Variants in ACSBG2 observed in about 807,000 individuals in gnomAD.
The protein encoded by ACSBG2 is long-chain-fatty-acid--CoA ligase ACSBG2.
A neutral mutation model predicts 74.7 loss-of-function variants in ACSBG2; 62 were observed. The observed-to-expected ratio is 0.83, with a 90% confidence interval of 0.68 to 1.03. The LOEUF is 1.03. ACSBG2 is among the 50% of genes least tolerant of loss of function. ACSBG2 has a pLI of 0.00. For synonymous variants in ACSBG2, 309 were observed against 294.1 expected, an observed-to-expected ratio of 1.05 and a Z score of -0.52; for missense variants, 730 against 817.6, an observed-to-expected ratio of 0.89 and a Z score of 1.31.
In ACSBG2 at chr19:6,147,241, A is replaced by T. The variant is rs570544393; in HGVS notation, c.68-205A>T. Among the ~76,000 whole-genome samples, 40 of 152,322 alleles carry T rather than the reference A, an allele frequency of 2.6e-4. No homozygotes were observed. The South Asian group carries it at 2.7e-3, about 10-fold the overall frequency. On this transcript the variant is annotated intron_variant, in intron 2 of 14. Coordinates refer to ENST00000588485, the MANE Select transcript of ACSBG2 (RefSeq NM_030924.5). ...TATTTGGTATACAATCCTTTTGACTATTAAAATTTGGCGGGGCGGGGAATG... is the reference window on the plus strand; with the variant it reads ...TATTTGGTATACAATCCTTTTGACTTTTAAAATTTGGCGGGGCGGGGAATG...
intron 10 of ACSBG2, among the ~76,000 whole-genome samples, chr19:6,184,465 T>C (rs558631513): frequency 1.3e-5 from 2 of 152,178 alleles, no homozygotes; most frequent in South Asian, 2.1e-4. Flanking sequence ...TCTGTCTTCA[T>C]TTTTTCTTTT....
At chr19:6,186,841 A>C (rs2090420474) in intron 11 of ACSBG2, among the ~76,000 whole-genome samples, 1 of 151,998 alleles carries the variant, frequency 6.6e-6, no homozygotes, top group African/African-American at 2.4e-5. Context: ...AGTAACTAGG[A>C]CTACAGGCGT....
At chr19:6,140,400 C>A (rs2088776907) in intron 1 of ACSBG2, among the ~76,000 whole-genome samples, 1 of 152,130 alleles carries the variant, frequency 6.6e-6, no homozygotes, top group Non-Finnish European at 1.5e-5. Flanking sequence ...GTGATCTCGG[C>A]CAGGCGCAAT....
At chr19:6,165,603 G>A (rs2089768166) in intron 6 of ACSBG2, among the ~76,000 whole-genome samples, 1 of 152,202 alleles carries the variant, frequency 6.6e-6, no homozygotes, top group South Asian at 2.1e-4. Context: ...AACCCAAGGA[G>A]TTGCGTCCTG....
At position 6,190,810 on chromosome 19, in the gene ACSBG2, CAT is replaced by C. The variant is rs763983787; in HGVS notation, c.*35+120_*35+121del. On this transcript the variant is annotated intron_variant, in intron 14 of 14. Transcript: ENST00000588485. ...CAGAAAACACACACATACACACATACATACACACACACACACACACACACACA... is the reference window on the plus strand; with the variant it reads ...CAGAAAACACACACATACACACATACACACACACACACACACACACACACA... 3.0e-4 allele frequency: 154 copies of C among 514,248 alleles called. 1 individual carries two copies. The highest frequency in any genetic ancestry group is 2.1e-3 in the African/African-American group (83 of 39,150). The allele number at this position is 514,248 out of a possible 1,614,324, so 31.9% of individuals were successfully genotyped here. A position where few individuals can be genotyped will look rare whatever the true frequency, so the allele number is the denominator to read the frequency against.
chr19:6,150,340 CAA>C (rs780596761), intron 3 of ACSBG2, among the ~76,000 whole-genome samples: 8 of 68,362 alleles, frequency 1.2e-4, no homozygotes, highest in Non-Finnish European at 9.5e-5. Flanking sequence ...GGATATTTAA[CAA>C]AAAAAAAAAA....
intron 7 of ACSBG2, 119 bp downstream of exon 7, chr19:6,166,134 G>A (rs2089792227): frequency 7.8e-7 from 1 of 1,289,284 alleles, no homozygotes; most frequent in Non-Finnish European, 1.1e-6. Context: ...CACCATTGGG[G>A]GTTAGAGAGT....
intron 7 of ACSBG2, among the ~76,000 whole-genome samples, chr19:6,176,933 G>T (rs1010012553): frequency 6.6e-6 from 1 of 152,134 alleles, no homozygotes; most frequent in African/African-American, 2.4e-5. Context: ...GAGGCGGGAG[G>T]TCGCTGGAGG....
chr19:6,143,230 G>A (rs953410703), intron 2 of ACSBG2, among the ~76,000 whole-genome samples: 1 of 151,052 alleles, frequency 6.6e-6, no homozygotes, highest in Non-Finnish European at 1.5e-5. Context: ...TTTTAACAAA[G>A]CGCCCCAAAG....
chr19:6,139,868 C>T (rs942726978), intron 1 of ACSBG2, among the ~76,000 whole-genome samples: 2 of 151,730 alleles, frequency 1.3e-5, no homozygotes, highest in African/African-American at 2.4e-5. Flanking sequence ...CACCTGAGGT[C>T]GGGAGTCTGA....
chr19:6,177,288 G>C lies in ACSBG2; in HGVS notation c.798G>C (p.Thr266=), dbSNP rs369713714. Residue 266 remains threonine (T), a synonymous_variant, in exon 8 of 15, where the codon ACG becomes ACC. Coordinates refer to ENST00000588485, the MANE Select transcript of ACSBG2 (RefSeq NM_030924.5). ...KDFKLTDKHE[T]VVSYLPLSHI... ...TTAAACTGACAGACAAGCATGAGAC[G>C]GTGGTTAGCTACCTCCCACTCAGCC... 4 of 1,614,010 alleles carry C rather than the reference G, an allele frequency of 2.5e-6. No individual in the cohort carries two copies. The South Asian group carries it at 4.4e-5, about 18-fold the overall frequency.
intron 1 of ACSBG2, among the ~76,000 whole-genome samples, chr19:6,136,296 A>G (rs1399436169): frequency 6.6e-6 from 1 of 151,802 alleles, no homozygotes; most frequent in South Asian, 2.1e-4. Context: ...GTTTCACCAC[A>G]TTAGCCAGGA....
chr19:6,178,613 C>T (rs866187838), intron 8 of ACSBG2, among the ~76,000 whole-genome samples: 58 of 152,250 alleles, frequency 3.8e-4, no homozygotes, highest in African/African-American at 1.2e-3. Context: ...AACTCCTGAC[C>T]TCAGGTGAGC....
chr19:6,159,453 T>C (rs982042105), intron 5 of ACSBG2, among the ~76,000 whole-genome samples: 3 of 152,234 alleles, frequency 2.0e-5, no homozygotes, highest in South Asian at 4.1e-4. Flanking sequence ...TACACCCACC[T>C]GGCTGCTGTG....
chr19:6,184,846 AAAAAAAAAAAAAAAAAAAAAAAAAAACG>A (rs1181162948), intron 10 of ACSBG2, among the ~76,000 whole-genome samples: 1 of 123,808 alleles, frequency 8.1e-6, no homozygotes, highest in Non-Finnish European at 1.6e-5. Context: ...AAAAAAAAAA[AAAAAAAAAAAAAAAAAAAAAAAAAAACG>A]AAAAACAGCC....
intron 10 of ACSBG2, among the ~76,000 whole-genome samples, chr19:6,183,503 G>A (rs535214045): frequency 7.9e-5 from 12 of 152,280 alleles, no homozygotes; most frequent in South Asian, 4.1e-4. Flanking sequence ...TGGTCTCCCC[G>A]TTTGTCACTT....
At chr19:6,138,507 G>A (rs866787748) in intron 1 of ACSBG2, among the ~76,000 whole-genome samples, 72 of 131,854 alleles carry the variant, frequency 5.5e-4, no homozygotes, top group African/African-American at 2.0e-3. Context: ...GAGGGAGGGA[G>A]GGAAAGAGGA....
In ACSBG2 at chr19:6,161,246, C is replaced by A; in HGVS notation, c.539C>A (p.Ala180Glu). ...CAGAGCAGCCTAGAGCCCCTAAAAG[C>A]GATCATCCAGTACAGACTGCCAATG... ...IPQSSLEPLK[A>E]IIQYRLPMKK... is the part of the protein sequence containing the mutation. The change falls in exon 6 of 15, where the codon GCG becomes GAG. Residue 180 changes from alanine to glutamate, a missense_variant. Transcript: ENST00000588485. The A allele has an allele frequency of 6.2e-7, 1 of 1,613,638 alleles. No homozygotes were observed. Among genetic ancestry groups the A allele is most frequent in the Non-Finnish European group, 8.5e-7 (1 of 1,179,674 alleles).
intron 5 of ACSBG2, among the ~76,000 whole-genome samples, chr19:6,160,016 G>T (rs1489473360): frequency 1.3e-5 from 2 of 152,192 alleles, no homozygotes; most frequent in African/African-American, 4.8e-5. Context: ...AATGGATGTT[G>T]CAAGTAACTT....
Sources: gnomAD v4.1 joint callset for allele counts (sites outside exome capture counted in the v4.1 genomes callset) on GRCh38, gnomAD v4.1.1 for gene constraint, MANE v1.5 for transcripts, NCBI Gene and HGNC (gene_info 2026-07-23, HGNC 2026-07-21) for gene names.